Variants in RALGAPA2 observed in about 807,000 individuals in gnomAD.
RALGAPA2 encodes ral GTPase-activating protein subunit alpha-2.
Under a neutral mutation model 230.4 loss-of-function variants are expected in RALGAPA2, and 139 were observed. That is an observed-to-expected ratio of 0.60 (90% CI 0.53 to 0.69). The LOEUF is 0.69. RALGAPA2 is among the 30% of genes least tolerant of loss of function. The pLI is 0.00. For synonymous variants in RALGAPA2, 847 were observed against 837.8 expected, an observed-to-expected ratio of 1.01 and a Z score of -0.19; for missense variants, 2,163 against 2,276.0, an observed-to-expected ratio of 0.95 and a Z score of 1.01.
chr20:20,664,627 T>C (rs2067896042), intron 3 of RALGAPA2, among the ~76,000 whole-genome samples: 2 of 152,230 alleles, frequency 1.3e-5, no homozygotes, highest in African/African-American at 2.4e-5. Flanking sequence ...GCCTGAAAAC[T>C]ACTGCATTTT....
chr20:20,507,668 A>G (rs1175653753), intron 33 of RALGAPA2, among the ~76,000 whole-genome samples: 2 of 152,188 alleles, frequency 1.3e-5, no homozygotes, highest in Non-Finnish European at 2.9e-5. Context: ...AATATCTCTA[A>G]TATGTCCTTA....
intron 2 of RALGAPA2, among the ~76,000 whole-genome samples, chr20:20,680,033 C>G (rs1007152667): frequency 1.3e-5 from 2 of 152,166 alleles, no homozygotes; most frequent in South Asian, 2.1e-4. Context: ...TCCTAAAATG[C>G]TAGGATACCT....
intron 31 of RALGAPA2, among the ~76,000 whole-genome samples, chr20:20,516,295 C>A (rs1378170179): frequency 6.6e-6 from 1 of 152,190 alleles, no homozygotes; most frequent in Admixed American, 6.5e-5. Flanking sequence ...GGGAGCTTTA[C>A]AGCCCTGCTC....
At chr20:20,655,929 A>G (rs1344380001) in intron 3 of RALGAPA2, among the ~76,000 whole-genome samples, 1 of 152,204 alleles carries the variant, frequency 6.6e-6, no homozygotes, top group East Asian at 1.9e-4. Context: ...TCAAATCCAG[A>G]TGCAATCTTA....
At chr20:20,514,496 T>C (rs2328552) in intron 31 of RALGAPA2, among the ~76,000 whole-genome samples, 152,062 of 152,276 alleles carry the variant, frequency 1, 75,925 homozygotes, top group Middle Eastern at 1. Context: ...CACATCCAGA[T>C]GGATCTCCAG....
At chr20:20,692,705 T>A (rs973689598) in intron 1 of RALGAPA2, among the ~76,000 whole-genome samples, 10 of 152,320 alleles carry the variant, frequency 6.6e-5, no homozygotes, top group African/African-American at 1.9e-4. Context: ...TGCCTTTTTT[T>A]CCTGCCTTTG....
chr20:20,540,613 A>C (rs2063618366), intron 24 of RALGAPA2, among the ~76,000 whole-genome samples: 1 of 151,706 alleles, frequency 6.6e-6, no homozygotes, highest in South Asian at 2.1e-4. Flanking sequence ...CACATTTTCT[A>C]GTTTGTGTTT....
chr20:20,473,019 G>A (rs1443371259), intron 36 of RALGAPA2, 63 bp from the exon 37 acceptor site: 3 of 1,509,582 alleles, frequency 2.0e-6, no homozygotes, highest in Non-Finnish European at 2.7e-6. Flanking sequence ...AAAGATATGA[G>A]AGTAGCTGAC....
chr20:20,531,982 G>A (rs1233032144), intron 26 of RALGAPA2, among the ~76,000 whole-genome samples, 187 bp from the exon 27 acceptor site: 2 of 152,130 alleles, frequency 1.3e-5, no homozygotes, highest in East Asian at 3.9e-4. Flanking sequence ...AGGACAAATA[G>A]AAATATTGAT....
chr20:20,707,613 A>G (rs1026135739), intron 1 of RALGAPA2, among the ~76,000 whole-genome samples: 8 of 152,194 alleles, frequency 5.3e-5, no homozygotes, highest in Non-Finnish European at 1.0e-4. Flanking sequence ...CATATGCACA[A>G]AAGGAACTAT....
At chr20:20,525,485 C>T (rs990198762) in intron 28 of RALGAPA2, among the ~76,000 whole-genome samples, 1 of 152,164 alleles carries the variant, frequency 6.6e-6, no homozygotes, top group African/African-American at 2.4e-5. Context: ...GTGTTCTTTC[C>T]AGTGAAATCT....
chr20:20,629,702 A>C, intron 9 of RALGAPA2, 112 bp from the exon 10 acceptor site: 1 of 1,112,200 alleles, frequency 9.0e-7, no homozygotes, highest in Non-Finnish European at 1.3e-6. Flanking sequence ...CAATGTGCAC[A>C]GGGTACAGCA....
intron 23 of RALGAPA2, among the ~76,000 whole-genome samples, chr20:20,568,195 AC>A (rs1201279502): frequency 6.6e-6 from 1 of 152,144 alleles, no homozygotes; most frequent in African/African-American, 2.4e-5. Flanking sequence ...TATTTTGTAA[AC>A]CACTAACATC....
At chr20:20,647,862 A>G (rs1332011643) in intron 4 of RALGAPA2, among the ~76,000 whole-genome samples, 1 of 152,218 alleles carries the variant, frequency 6.6e-6, no homozygotes, top group Non-Finnish European at 1.5e-5. Flanking sequence ...GATCATAACA[A>G]ATGTTGAAGA....
At chr20:20,580,831 A>G (rs1006260068) in intron 20 of RALGAPA2, among the ~76,000 whole-genome samples, 10 of 152,192 alleles carry the variant, frequency 6.6e-5, no homozygotes. Context: ...GGAATTTAAG[A>G]TTTTGGAGGC....
chr20:20,650,260 T>A (rs2067353449), intron 4 of RALGAPA2, among the ~76,000 whole-genome samples: 1 of 152,198 alleles, frequency 6.6e-6, no homozygotes, highest in African/African-American at 2.4e-5. Flanking sequence ...AAAAGCAGTT[T>A]TAAGAGAAAT....
At chr20:20,609,696 C>T (rs2065920858) in intron 14 of RALGAPA2, among the ~76,000 whole-genome samples, 2 of 152,230 alleles carry the variant, frequency 1.3e-5, no homozygotes, top group Admixed American at 6.5e-5. Flanking sequence ...AGCTCATGTC[C>T]ACTTGGCAGC....
intron 14 of RALGAPA2, among the ~76,000 whole-genome samples, chr20:20,606,159 T>C (rs1005707191): frequency 3.9e-5 from 6 of 152,122 alleles, no homozygotes; most frequent in African/African-American, 1.4e-4. Context: ...CCCTTTTCCT[T>C]CCATTTTCAC....
chr20:20,478,593 G>A (rs1048323053), intron 36 of RALGAPA2, among the ~76,000 whole-genome samples: 5 of 151,348 alleles, frequency 3.3e-5, no homozygotes, highest in Admixed American at 2.6e-4. Flanking sequence ...ACCAAATACC[G>A]CATGTTCTCA....
Sources: allele counts gnomAD v4.1 joint callset (sites outside exome capture counted in the v4.1 genomes callset), GRCh38; gene constraint gnomAD v4.1.1; transcripts MANE v1.5; gene names NCBI Gene and HGNC (gene_info 2026-07-23, HGNC 2026-07-21).